PRKG1: variants seen among roughly 807,000 people sequenced by gnomAD.
PRKG1 encodes the protein protein kinase cGMP-dependent 1, also known as cGMP-dependent protein kinase 1.
PRKG1 carries 35 observed loss-of-function variants against 88.1 expected under a neutral mutation model. That is an observed-to-expected ratio of 0.40 (90% CI 0.30 to 0.53). The LOEUF is 0.53. PRKG1 is among the 20% of genes least tolerant of loss of function. The pLI is 0.59. For missense variants in PRKG1, 540 were observed against 839.8 expected (o/e 0.64, Z 4.41); for synonymous variants, 303 against 292.5 (o/e 1.04, Z -0.37).
chr10:51,464,722 T>C (rs1191468202), intron 2 of PRKG1, among the ~76,000 whole-genome samples: 1 of 150,912 alleles, frequency 6.6e-6, no homozygotes, highest in African/African-American at 2.4e-5. Context: ...AAACCCCGTC[T>C]CTACTAAAAA....
chr10:51,005,060 T>C (rs1271913941), intron 1 of PRKG1, among the ~76,000 whole-genome samples: 2 of 152,214 alleles, frequency 1.3e-5, no homozygotes, highest in African/African-American at 2.4e-5. Context: ...TTTCATTATT[T>C]TTTTCTTGGT....
At chr10:51,793,698 A>G (rs1432470033) in intron 3 of PRKG1, among the ~76,000 whole-genome samples, 1 of 152,180 alleles carries the variant, frequency 6.6e-6, no homozygotes, top group African/African-American at 2.4e-5. Context: ...TTCTCAGCAG[A>G]AATCTGTCAG....
chr10:51,263,226 T>G (rs903115247), intron 2 of PRKG1, among the ~76,000 whole-genome samples: 1 of 152,258 alleles, frequency 6.6e-6, no homozygotes, highest in African/African-American at 2.4e-5. Flanking sequence ...CAGGCCTCAT[T>G]GATGCCAATT....
chr10:51,887,689 C>T (rs1005372570), intron 4 of PRKG1, among the ~76,000 whole-genome samples: 2 of 152,140 alleles, frequency 1.3e-5, no homozygotes, highest in African/African-American at 4.8e-5. Context: ...TATGTTGGCA[C>T]TTTTTCGTAT....
Position 51,686,424 on chromosome 10 carries a change from A to G in PRKG1, c.593-118161A>G, listed in dbSNP as rs116943075. Among the ~76,000 whole-genome samples, 4 of 152,278 alleles carry G rather than the reference A, an allele frequency of 2.6e-5. No individual in the cohort carries two copies. The East Asian group carries it at 5.8e-4, about 22-fold the overall frequency. On this transcript the variant is annotated intron_variant, in intron 3 of 17. Transcript: ENST00000373980. ...GTTTTCTGTTCCTGTGTTAGATTGCATAGGATAATGGAGCTTTGGCCATTT... is the reference window on the plus strand; with the variant it reads ...GTTTTCTGTTCCTGTGTTAGATTGCGTAGGATAATGGAGCTTTGGCCATTT...
At chr10:51,167,542 T>A (rs1846582034) in intron 2 of PRKG1, among the ~76,000 whole-genome samples, 1 of 152,048 alleles carries the variant, frequency 6.6e-6, no homozygotes, top group Non-Finnish European at 1.5e-5. Context: ...CCACTAATAA[T>A]CTTGGAAGAA....
chr10:51,792,597 T>C lies in PRKG1; in HGVS notation c.593-11988T>C, dbSNP rs182712747. Among the ~76,000 whole-genome samples the C allele has an allele frequency of 6.4e-4, 98 of 152,286 alleles. 2 individuals carry two copies. Among genetic ancestry groups the C allele is most frequent in the South Asian group, 1.7e-3 (8 of 4,830 alleles). On this transcript the variant is annotated intron_variant, in intron 3 of 17. Transcript: ENST00000373980. The stretch of plus-strand genomic sequence containing the variant: ...ACACTTGGAGCATTCCTTGTTTCCA[T>C]AGCCTTATTCTGCATCTTCAAAACA...
chr10:51,916,569 G>A (rs996785962), intron 5 of PRKG1, among the ~76,000 whole-genome samples: 1 of 152,082 alleles, frequency 6.6e-6, no homozygotes, highest in Non-Finnish European at 1.5e-5. Flanking sequence ...CTGTGGACTC[G>A]CCTTGAATTC....
chr10:52,185,340 G>A (rs571326834), intron 9 of PRKG1, among the ~76,000 whole-genome samples: 6 of 152,260 alleles, frequency 3.9e-5, no homozygotes, highest in Admixed American at 1.3e-4. Flanking sequence ...AGTCTCCTTG[G>A]ACTCCACATC....
At chr10:51,148,406 G>A (rs2127610) in intron 1 of PRKG1, 51,107 of 307,078 alleles carry the variant, frequency 0.17, 4,934 homozygotes, top group African/African-American at 0.31. Flanking sequence ...GATTGCTTTC[G>A]CTGATTTCCA....
intron 2 of PRKG1, among the ~76,000 whole-genome samples, chr10:51,266,451 A>T (rs187824119): frequency 2.6e-5 from 4 of 152,348 alleles, no homozygotes; most frequent in African/African-American, 9.6e-5. Flanking sequence ...ACTACTTGTT[A>T]TCTGTATAAG....
At chr10:51,907,210 T>C (rs930404022) in intron 4 of PRKG1, among the ~76,000 whole-genome samples, 3 of 152,134 alleles carry the variant, frequency 2.0e-5, no homozygotes, top group African/African-American at 7.2e-5. Context: ...ATATCCATGG[T>C]CACACAGGTA....
At chr10:51,277,336 C>T (rs1463254607) in intron 2 of PRKG1, among the ~76,000 whole-genome samples, 1 of 152,138 alleles carries the variant, frequency 6.6e-6, no homozygotes, top group Non-Finnish European at 1.5e-5. Context: ...TGTTTTGGTA[C>T]CAGTACCATG....
chr10:52,004,530 G>A (rs1844681156), intron 5 of PRKG1, among the ~76,000 whole-genome samples: 1 of 152,168 alleles, frequency 6.6e-6, no homozygotes, highest in Non-Finnish European at 1.5e-5. Context: ...ACTGGATAAT[G>A]TGTGAACAGC....
At chr10:51,740,941 G>C (rs57071723) in intron 3 of PRKG1, among the ~76,000 whole-genome samples, 1 of 76,076 alleles carries the variant, frequency 1.3e-5, no homozygotes, top group Non-Finnish European at 4.7e-5. Flanking sequence ...AAAAAAAAAA[G>C]CATCAAGAGA....
intron 2 of PRKG1, among the ~76,000 whole-genome samples, chr10:51,419,913 GA>G (rs563465089): frequency 1.9e-3 from 295 of 151,736 alleles, no homozygotes; most frequent in African/African-American, 6.9e-3. Flanking sequence ...CAAGTGTTTA[GA>G]TACATTCTCT....
At chr10:51,213,754 T>C (rs1250825955) in intron 2 of PRKG1, among the ~76,000 whole-genome samples, 1 of 151,346 alleles carries the variant, frequency 6.6e-6, no homozygotes, top group East Asian at 1.9e-4. Flanking sequence ...TTGCATTTTA[T>C]GAAGTGTGTG....
chr10:51,903,238 G>T (rs555327885), intron 4 of PRKG1, among the ~76,000 whole-genome samples: 2 of 152,182 alleles, frequency 1.3e-5, no homozygotes, highest in Non-Finnish European at 2.9e-5. Context: ...GCAGTGTTCA[G>T]ATTTTGACTG....
chr10:51,210,876 A>G (rs1009984615), intron 2 of PRKG1, among the ~76,000 whole-genome samples: 1 of 152,214 alleles, frequency 6.6e-6, no homozygotes, highest in Admixed American at 6.5e-5. Flanking sequence ...GCCGAATTCT[A>G]CCAGAGGTAC....
Sources: allele counts gnomAD v4.1 joint callset (sites outside exome capture counted in the v4.1 genomes callset), GRCh38; gene constraint gnomAD v4.1.1; transcripts MANE v1.5; gene names NCBI Gene and HGNC (gene_info 2026-07-23, HGNC 2026-07-21).